The following SMKR1 variants were observed in gnomAD, a reference collection of about 807,000 sequenced individuals.
SMKR1 encodes small lysine rich protein 1.
Under a neutral mutation model 4.0 loss-of-function variants are expected in SMKR1, and 4 were observed. That is an observed-to-expected ratio of 1.00 (90% CI 0.49 to 2.30). The LOEUF is 2.30. SMKR1 is among the 30% of genes most tolerant of loss of function. The probability of loss-of-function intolerance (pLI) is 0.02; values close to 1 mark genes in which losing one functional copy is unlikely to be tolerated. For synonymous variants in SMKR1, 38 were observed against 32.5 expected (o/e 1.17, Z -0.58); for missense variants, 56 against 81.8 (o/e 0.68, Z 1.22).
chr7:129,509,866 A>AT (rs1222855147), intron 1 of SMKR1, among the ~76,000 whole-genome samples: 9 of 152,222 alleles, frequency 5.9e-5, no homozygotes, highest in African/African-American at 2.2e-4. Flanking sequence ...CACATGAACT[A>AT]TGTTCCTCTT....
chr7:129,510,936 G>A (rs1419885015), intron 1 of SMKR1, among the ~76,000 whole-genome samples: 2 of 152,150 alleles, frequency 1.3e-5, no homozygotes, highest in African/African-American at 2.4e-5. Context: ...AGCCTCCTGA[G>A]CAGCTGGGAT....
At chr7:129,510,961 A>G (rs1799520628) in intron 1 of SMKR1, among the ~76,000 whole-genome samples, 1 of 152,086 alleles carries the variant, frequency 6.6e-6, no homozygotes, top group Non-Finnish European at 1.5e-5. Context: ...GGCGCTTGCC[A>G]CCATGCCCAG....
chr7:129,504,439 T>C (rs536663238), intron 1 of SMKR1, among the ~76,000 whole-genome samples: 1 of 152,250 alleles, frequency 6.6e-6, no homozygotes, highest in Non-Finnish European at 1.5e-5. Context: ...CAGGCCACGC[T>C]TAGGGAGCCC....
rs543155378 is a variant in SMKR1, at chr7:129,503,394, A to T, written c.3+567A>T. ...TCAGGGAGGCATCATTGTCTGCTAAACTAAGTACTGCACGCTTGAGCTGGG... is the reference window on the plus strand; with the variant it reads ...TCAGGGAGGCATCATTGTCTGCTAATCTAAGTACTGCACGCTTGAGCTGGG... On this transcript the variant is annotated intron_variant, in intron 1 of 1. Coordinates refer to ENST00000462322, the MANE Select transcript of SMKR1 (RefSeq NM_001195243.2). Among the ~76,000 whole-genome samples the T allele has an allele frequency of 2.2e-4, 33 of 152,300 alleles. No homozygotes were observed. In the South Asian group the frequency reaches 6.6e-3, roughly 31 times the overall value.
At chr7:129,506,109 A>C (rs899964013) in intron 1 of SMKR1, among the ~76,000 whole-genome samples, 19 of 152,198 alleles carry the variant, frequency 1.2e-4, no homozygotes, top group African/African-American at 4.3e-4. Flanking sequence ...TAACAGATTT[A>C]TTGAGGTGGA....
intron 1 of SMKR1, among the ~76,000 whole-genome samples, chr7:129,509,022 A>G (rs554549422): frequency 1.3e-5 from 2 of 152,314 alleles, no homozygotes; most frequent in African/African-American, 4.8e-5. Context: ...ACATAAAGAA[A>G]TTGAGACCCA....
At chr7:129,507,350 T>C (rs1191478257) in intron 1 of SMKR1, among the ~76,000 whole-genome samples, 4 of 152,058 alleles carry the variant, frequency 2.6e-5, no homozygotes, top group Non-Finnish European at 5.9e-5. Context: ...GGGTCCCATT[T>C]TGTTGCCGGG....
At chr7:129,511,297 A>G (rs957568607) in intron 1 of SMKR1, among the ~76,000 whole-genome samples, 8 of 152,218 alleles carry the variant, frequency 5.3e-5, no homozygotes, top group Non-Finnish European at 8.8e-5. Flanking sequence ...AAATCCTCAT[A>G]TAGCCATTTC....
chr7:129,511,454 C>T (rs1045612468), intron 1 of SMKR1, among the ~76,000 whole-genome samples: 6 of 152,154 alleles, frequency 3.9e-5, no homozygotes, highest in African/African-American at 9.7e-5. Context: ...ACTTCAGAAA[C>T]GTGTGGACTT....
chr7:129,506,434 C>T (rs1799466026), intron 1 of SMKR1, among the ~76,000 whole-genome samples: 1 of 152,016 alleles, frequency 6.6e-6, no homozygotes, highest in Admixed American at 6.6e-5. Flanking sequence ...AGAGTGAGAC[C>T]TGTTTCAAAA....
intron 1 of SMKR1, among the ~76,000 whole-genome samples, chr7:129,510,210 A>G (rs182406977): frequency 2.9e-4 from 44 of 152,356 alleles, no homozygotes; most frequent in African/African-American, 8.4e-4. Context: ...ATCCATGAAA[A>G]ACAGGTTGAC....
intron 1 of SMKR1, among the ~76,000 whole-genome samples, chr7:129,510,821 C>T (rs559308230): frequency 6.6e-6 from 1 of 151,292 alleles, no homozygotes; most frequent in African/African-American, 2.4e-5. Context: ...TGCGGGGAGG[C>T]GGGGGGAGGC....
intron 1 of SMKR1, among the ~76,000 whole-genome samples, chr7:129,506,277 T>C (rs1799464409): frequency 3.3e-5 from 5 of 151,948 alleles, no homozygotes; most frequent in Admixed American, 3.3e-4. Context: ...CTCATCTCTA[T>C]AAAAAGTAGA....
At chr7:129,512,184 CA>C in intron 1 of SMKR1, 62 bp from the exon 2 acceptor site, 30 of 1,420,466 alleles carry the variant, frequency 2.1e-5, no homozygotes, top group Admixed American at 1.4e-4. Flanking sequence ...AACCCTGTCT[CA>C]AAAAAAACAA....
chr7:129,507,908 G>A (rs751486883), intron 1 of SMKR1, among the ~76,000 whole-genome samples: 1 of 152,086 alleles, frequency 6.6e-6, no homozygotes, highest in Non-Finnish European at 1.5e-5. Context: ...CTCCATATAG[G>A]CCTTTATGAG....
Position 129,502,836 on chromosome 7 carries a change from C to G in SMKR1, c.3+9C>G, listed in dbSNP as rs1442743132. The stretch of plus-strand genomic sequence containing the variant: ...GGCTGAGAATCGCCATGGTAATCCC[C>G]GTCTCCCTAAAGTACCCGGGGCCAG... On this transcript the variant is annotated intron_variant, in intron 1 of 1. Transcript: ENST00000462322. The G allele has an allele frequency of 2.0e-6, 3 of 1,534,892 alleles. No homozygotes were observed. Among genetic ancestry groups the G allele is most frequent in the South Asian group, 2.4e-5 (2 of 84,062 alleles).
intron 1 of SMKR1, among the ~76,000 whole-genome samples, chr7:129,508,912 A>C (rs1335626271): frequency 6.6e-6 from 1 of 152,254 alleles, no homozygotes; most frequent in Non-Finnish European, 1.5e-5. Flanking sequence ...CTTCAAATAA[A>C]AATGTCAGAC....
intron 1 of SMKR1, among the ~76,000 whole-genome samples, chr7:129,506,478 G>T (rs374506653): frequency 1.3e-5 from 2 of 152,050 alleles, no homozygotes; most frequent in South Asian, 2.1e-4. Flanking sequence ...ACTTTGATAG[G>T]TTTGGCAAAT....
In SMKR1 at chr7:129,512,399, T is replaced by C. The variant is rs186965235; in HGVS notation, c.156T>C (p.His52=). Residue 52 remains histidine (H), a synonymous_variant, in exon 2 of 2, where the codon CAT becomes CAC. Transcript: ENST00000462322. ...VADCLHLRGF[H]WPGAPKGKKG... ...ACTGCCTGCATCTGCGAGGCTTCCA[T>C]TGGCCGGGTGCTCCCAAAGGAAAGA... 277 of 1,535,854 alleles carry C rather than the reference T, an allele frequency of 1.8e-4. 1 individual carries two copies. In the African/African-American group the frequency reaches 3.2e-3, roughly 18 times the overall value.
Sources: allele counts gnomAD v4.1 joint callset (sites outside exome capture counted in the v4.1 genomes callset), GRCh38; gene constraint gnomAD v4.1.1; transcripts MANE v1.5; gene names NCBI Gene and HGNC (gene_info 2026-07-23, HGNC 2026-07-21).